The following PLXDC2 variants were observed in gnomAD, a reference collection of about 807,000 sequenced individuals.
PLXDC2 encodes the protein plexin domain-containing protein 2.
Under a neutral mutation model 68.9 loss-of-function variants are expected in PLXDC2, and 40 were observed. That is an observed-to-expected ratio of 0.58 (90% CI 0.45 to 0.76). The LOEUF (loss-of-function observed/expected upper bound fraction) is 0.76, where lower values mean the gene tolerates loss of function less well. Ranked by LOEUF, PLXDC2 falls within the 30% of genes least tolerant of loss-of-function variation. The pLI, the probability that PLXDC2 is intolerant of heterozygous loss-of-function variation, is 0.00. For missense variants in PLXDC2, 644 were observed against 661.9 expected, an observed-to-expected ratio of 0.97 and a Z score of 0.30; for synonymous variants, 243 against 234.2, an observed-to-expected ratio of 1.04 and a Z score of -0.34.
At chr10:19,938,838 G>T (rs73603676) in intron 1 of PLXDC2, among the ~76,000 whole-genome samples, 1 of 152,174 alleles carries the variant, frequency 6.6e-6, no homozygotes, top group Non-Finnish European at 1.5e-5. Flanking sequence ...TGGCAGTTGT[G>T]TGCAAAATTA....
At chr10:20,183,455 G>GA (rs1343335193) in intron 9 of PLXDC2, among the ~76,000 whole-genome samples, 2 of 151,936 alleles carry the variant, frequency 1.3e-5, no homozygotes, top group African/African-American at 2.4e-5. Context: ...GAAAAGATGT[G>GA]AGAAACAACA....
chr10:20,274,053 A>T (rs1026699643), intron 13 of PLXDC2, among the ~76,000 whole-genome samples: 3 of 149,754 alleles, frequency 2.0e-5, no homozygotes, highest in Non-Finnish European at 4.4e-5. Flanking sequence ...GAAAGACGGG[A>T]AAGGAAGGGA....
chr10:19,998,844 C>T lies in PLXDC2; in HGVS notation c.113-2931C>T, dbSNP rs150916869. ...AAATCAAACCTCAGCTGTCTAGAGA[C>T]CAAACCTTGTAAGTGCTAGAGTAAG... On this transcript the variant is annotated intron_variant, in intron 1 of 13. Transcript: ENST00000377252. Among the ~76,000 whole-genome samples the T allele has an allele frequency of 5.1e-3, 781 of 152,236 alleles. 7 individuals are homozygous for T. The highest frequency in any genetic ancestry group is 9.3e-3 in the Admixed American group (142 of 15,290).
At chr10:20,169,350 C>T (rs980378317) in intron 7 of PLXDC2, among the ~76,000 whole-genome samples, 10 of 152,132 alleles carry the variant, frequency 6.6e-5, no homozygotes, top group East Asian at 3.8e-4. Context: ...TTGGTAAGCA[C>T]GAAATGGTAT....
intron 3 of PLXDC2, 144 bp from the exon 4 acceptor site, chr10:20,068,026 C>A (rs1382351063): frequency 3.2e-6 from 2 of 627,760 alleles, no homozygotes; most frequent in Non-Finnish European, 5.3e-6. Context: ...TTTAGTACGA[C>A]CGAGGACTCA....
At chr10:20,056,340 G>A (rs79539169) in intron 3 of PLXDC2, among the ~76,000 whole-genome samples, 6,983 of 152,198 alleles carry the variant, frequency 0.046, 227 homozygotes, top group Non-Finnish European at 0.071. Context: ...TGGCTGAATT[G>A]TATTTCTCTG....
chr10:19,848,419 T>C (rs1471444786), intron 1 of PLXDC2, among the ~76,000 whole-genome samples: 1 of 152,178 alleles, frequency 6.6e-6, no homozygotes, highest in African/African-American at 2.4e-5. Flanking sequence ...ACTCTATCTG[T>C]TGGTGACTTC....
chr10:19,852,629 A>G (rs562320181), intron 1 of PLXDC2, among the ~76,000 whole-genome samples: 44 of 152,086 alleles, frequency 2.9e-4, no homozygotes, highest in Non-Finnish European at 4.7e-4. Flanking sequence ...AAGTTTGTTG[A>G]CTATAGATAA....
intron 4 of PLXDC2, among the ~76,000 whole-genome samples, chr10:20,122,656 T>C (rs1833715727): frequency 6.6e-6 from 1 of 152,216 alleles, no homozygotes; most frequent in Non-Finnish European, 1.5e-5. Flanking sequence ...TGGAGAAATG[T>C]CTGGCCGCTG....
At chr10:20,037,246 T>C (rs960602080) in intron 2 of PLXDC2, among the ~76,000 whole-genome samples, 1 of 152,194 alleles carries the variant, frequency 6.6e-6, no homozygotes, top group Non-Finnish European at 1.5e-5. Context: ...ATTCTAAACA[T>C]TTTTTTATCA....
chr10:20,237,252 T>A (rs959858312), intron 12 of PLXDC2, among the ~76,000 whole-genome samples: 4 of 152,170 alleles, frequency 2.6e-5, no homozygotes, highest in Non-Finnish European at 4.4e-5. Context: ...GAATGTATTG[T>A]CACAGTAATA....
chr10:19,907,803 G>A (rs1024084303), intron 1 of PLXDC2, among the ~76,000 whole-genome samples: 3 of 152,154 alleles, frequency 2.0e-5, no homozygotes, highest in Non-Finnish European at 4.4e-5. Context: ...GTATCGGACT[G>A]GCTAATAACA....
intron 12 of PLXDC2, among the ~76,000 whole-genome samples, chr10:20,232,313 C>T (rs1835375769): frequency 6.6e-6 from 1 of 152,038 alleles, no homozygotes; most frequent in Non-Finnish European, 1.5e-5. Flanking sequence ...TTGGCAGTTT[C>T]TTATAAAGTT....
At chr10:19,918,825 G>C (rs187854194) in intron 1 of PLXDC2, among the ~76,000 whole-genome samples, 1 of 152,186 alleles carries the variant, frequency 6.6e-6, no homozygotes, top group East Asian at 1.9e-4. Flanking sequence ...CTTCCCTTTC[G>C]GTATCAAGTA....
chr10:20,110,836 C>T (rs554649941), intron 4 of PLXDC2, among the ~76,000 whole-genome samples: 21 of 152,254 alleles, frequency 1.4e-4, no homozygotes, highest in South Asian at 8.3e-4. Context: ...TGTTTTTGAT[C>T]GGCCTTGCTC....
chr10:20,219,290 G>A (rs914398750), intron 12 of PLXDC2, among the ~76,000 whole-genome samples, 188 bp downstream of exon 12: 1 of 152,114 alleles, frequency 6.6e-6, no homozygotes, highest in African/African-American at 2.4e-5. Flanking sequence ...TCACCCTTGT[G>A]TTTGTGTATA....
intron 9 of PLXDC2, among the ~76,000 whole-genome samples, chr10:20,195,124 T>A (rs141962681): frequency 8.2e-4 from 125 of 152,202 alleles, no homozygotes; most frequent in African/African-American, 2.8e-3. Context: ...AGGAGGAACA[T>A]TTTTGAAAAA....
Position 20,288,319 on chromosome 10 carries a change from G to A in PLXDC2, c.*8500G>A, listed in dbSNP as rs955319563. 6.6e-6 allele frequency: 1 copy of A among 151,924 alleles called. No homozygotes were observed. Among genetic ancestry groups the A allele is most frequent in the African/African-American group, 2.4e-5 (1 of 41,364 alleles). 9.4% of individuals were successfully genotyped at this position (151,924 alleles called of 1,614,324 possible). A position where few individuals can be genotyped will look rare whatever the true frequency, so the allele number is the denominator to read the frequency against. On this transcript the variant is annotated 3_prime_UTR_variant, in exon 14 of 14. Transcript: ENST00000377252. ...TAGAACTTGGAAAACCAAGCATTTT[G>A]AATTTATTCCAGTCCTCTGGGCATC... is the stretch of plus-strand genomic sequence containing the variant.
chr10:19,984,460 C>T (rs182404753), intron 1 of PLXDC2, among the ~76,000 whole-genome samples: 1 of 152,236 alleles, frequency 6.6e-6, no homozygotes, highest in East Asian at 1.9e-4. Context: ...GTAAACAGTA[C>T]ACTTGAAAAT....
Sources: allele counts gnomAD v4.1 joint callset (sites outside exome capture counted in the v4.1 genomes callset), GRCh38; gene constraint gnomAD v4.1.1; transcripts MANE v1.5; gene names NCBI Gene and HGNC (gene_info 2026-07-23, HGNC 2026-07-21).